Variants in QTRT2 observed in about 807,000 individuals in gnomAD.
QTRT2 encodes the protein queuine tRNA-ribosyltransferase domain containing 1.
QTRT2 carries 32 observed loss-of-function variants against 44.8 expected under a neutral mutation model. That is an observed-to-expected ratio of 0.71 (90% CI 0.54 to 0.96). The LOEUF is 0.96. QTRT2 is among the 40% of genes least tolerant of loss of function. The probability of loss-of-function intolerance (pLI) is 0.00; values close to 1 mark genes in which losing one functional copy is unlikely to be tolerated. For missense variants in QTRT2, 461 were observed against 503.1 expected (o/e 0.92, Z 0.80); for synonymous variants, 182 against 187.4 (o/e 0.97, Z 0.24).
At position 114,088,090 on chromosome 3, in the gene QTRT2, A is replaced by G. The variant is rs1363170461; in HGVS notation, c.*2186A>G. The stretch of plus-strand genomic sequence containing the variant: ...TTTCCAAAGATCTGATTGTTTTGAA[A>G]TGTGTTAGATTGGACTTGTTCAAAT... On this transcript the variant is annotated 3_prime_UTR_variant, in exon 10 of 10. Coordinates refer to ENST00000281273, the MANE Select transcript of QTRT2 (RefSeq NM_024638.4). 1.3e-5 allele frequency: 2 copies of G among 152,188 alleles called. No homozygotes were observed. Among genetic ancestry groups the G allele is most frequent in the African/African-American group, 4.8e-5 (2 of 41,436 alleles). 9.4% of individuals were successfully genotyped at this position (152,188 alleles called of 1,614,324 possible).
rs768187557 is a variant in QTRT2, at chr3:114,085,872, T to A, written c.1216T>A (p.Leu406Met). ...EALKSDKLAQ[L>M]KELIHRQAS is the part of the protein sequence containing the mutation. ...ACTAAAAAGTGACAAACTGGCACAG[T>A]TGAAAGAGCTCATCCACAGGCAAGC... The change falls in exon 10 of 10, where the codon TTG becomes ATG. Residue 406 changes from leucine to methionine, a missense_variant. Leu to Met is a conservative substitution (Grantham distance 15). Coordinates refer to ENST00000281273, the MANE Select transcript of QTRT2 (RefSeq NM_024638.4). The A allele has an allele frequency of 2.5e-6, 4 of 1,614,060 alleles. No individual in the cohort carries two copies. The Admixed American group carries it at 5.0e-5, about 20-fold the overall frequency.
chr3:114,056,852 G>A lies in QTRT2; in HGVS notation c.-142G>A. The stretch of plus-strand genomic sequence containing the variant: ...GGTCTGAAGACTGAAAGAGTCGAAT[G>A]GTTTGTTGGCAGGTAAGTGCCCCTT... On this transcript the variant is annotated 5_prime_UTR_variant, in exon 1 of 10. The change abolishes an upstream ATG in the 5' untranslated region. Coordinates refer to ENST00000281273, the MANE Select transcript of QTRT2 (RefSeq NM_024638.4). 1 of 1,535,952 alleles carries A rather than the reference G, an allele frequency of 6.5e-7. No homozygotes were observed. Among genetic ancestry groups the A allele is most frequent in the Non-Finnish European group, 8.7e-7 (1 of 1,146,798 alleles).
intron 2 of QTRT2, among the ~76,000 whole-genome samples, chr3:114,061,883 C>CA (rs1424318790): frequency 6.6e-6 from 1 of 152,128 alleles, no homozygotes; most frequent in East Asian, 1.9e-4. Context: ...CAACCAAAGC[C>CA]ACTTTCTTTT....
At chr3:114,076,011 T>C (rs2077086281) in intron 6 of QTRT2, among the ~76,000 whole-genome samples, 1 of 152,156 alleles carries the variant, frequency 6.6e-6, no homozygotes, top group African/African-American at 2.4e-5. Context: ...GGTTTGTGAG[T>C]AGATAGTCAG....
At chr3:114,067,445 T>A (rs931434527) in intron 4 of QTRT2, among the ~76,000 whole-genome samples, 2 of 152,234 alleles carry the variant, frequency 1.3e-5, no homozygotes, top group Non-Finnish European at 2.9e-5. Context: ...AATGATTGTC[T>A]TTTTGACTGA....
intron 2 of QTRT2, among the ~76,000 whole-genome samples, chr3:114,061,154 A>G (rs1030109177): frequency 3.9e-5 from 6 of 152,108 alleles, no homozygotes; most frequent in African/African-American, 1.4e-4. Context: ...GTTTCCTTTT[A>G]GTTGCCTTTA....
chr3:114,082,208 A>C (rs1318169694), intron 8 of QTRT2, among the ~76,000 whole-genome samples: 3 of 6,972 alleles, frequency 4.3e-4, no homozygotes, highest in Non-Finnish European at 3.9e-3. Context: ...ACCCCACCAC[A>C]CACACACACA....
In QTRT2 at chr3:114,076,910, A is replaced by T. The variant is rs1433791322; in HGVS notation, c.714A>T (p.Ser238=). Residue 238 remains serine, a synonymous_variant, in exon 7 of 10, where the codon TCA becomes TCT. Transcript: ENST00000281273. ...AGGCTAGACTACGCTTGCTGTCATC[A>T]GTCACTGCAGAGCTGCCGGAGGACA... The part of the protein sequence containing the change: ...TLEARLRLLS[S]VTAELPEDKP... The T allele has an allele frequency of 6.2e-7, 1 of 1,614,082 alleles. No homozygotes were observed. The highest frequency in any genetic ancestry group is 1.3e-5 in the African/African-American group (1 of 74,930).
At position 114,066,226 on chromosome 3, in the gene QTRT2, A is replaced by G. The variant is rs774502806; in HGVS notation, c.201-2A>G. The G allele has an allele frequency of 1.2e-6, 2 of 1,601,718 alleles. No individual in the cohort carries two copies. The highest frequency in any genetic ancestry group is 1.7e-6 in the Non-Finnish European group (2 of 1,169,342). ...TTATGTATTTTTCTGTTTTGCTTAC[A>G]GAGCAGAACATCATGAAGTCTTGAC... On this transcript the variant is annotated splice_acceptor_variant, in intron 3 of 9. Transcript: ENST00000281273. LOFTEE classifies it high-confidence loss of function.
At chr3:114,077,189 C>G (rs1287429807) in intron 7 of QTRT2, 6 of 496,570 alleles carry the variant, frequency 1.2e-5, no homozygotes, top group African/African-American at 9.6e-5. Context: ...TTTGATCCTC[C>G]TAAGTGAGAG....
intron 8 of QTRT2, 52 bp from the exon 9 acceptor site, chr3:114,082,625 G>T (rs72960764): frequency 1.5e-6 from 1 of 645,638 alleles, no homozygotes; most frequent in Non-Finnish European, 2.7e-6. Context: ...GTTTCCAATG[G>T]CCACTTCTTA....
intron 6 of QTRT2, among the ~76,000 whole-genome samples, chr3:114,075,802 C>G (rs977604673): frequency 6.6e-6 from 1 of 152,128 alleles, no homozygotes; most frequent in African/African-American, 2.4e-5. Context: ...CCATGCCTGG[C>G]AAGTTTTTGT....
chr3:114,071,221 C>T (rs560134702), intron 6 of QTRT2, among the ~76,000 whole-genome samples: 1 of 152,254 alleles, frequency 6.6e-6, no homozygotes, highest in South Asian at 2.1e-4. Context: ...ATTTTATCTC[C>T]ACAAACCTGT....
intron 4 of QTRT2, among the ~76,000 whole-genome samples, chr3:114,067,342 T>A (rs2076967455): frequency 1.3e-5 from 2 of 152,234 alleles, no homozygotes. Context: ...TTTTTTTCAC[T>A]GGAATCCTGT....
At chr3:114,067,168 G>A (rs1481816953) in intron 4 of QTRT2, among the ~76,000 whole-genome samples, 1 of 152,046 alleles carries the variant, frequency 6.6e-6, no homozygotes, top group East Asian at 1.9e-4. Flanking sequence ...AGGAATTTAT[G>A]GAATATCATT....
chr3:114,064,390 C>T (rs1450946375), intron 2 of QTRT2, among the ~76,000 whole-genome samples: 4 of 152,002 alleles, frequency 2.6e-5, no homozygotes, highest in Admixed American at 6.5e-5. Flanking sequence ...GACATTTAGC[C>T]GATGATGTGT....
chr3:114,059,707 G>GA (rs1295806520), intron 2 of QTRT2, among the ~76,000 whole-genome samples: 1 of 152,136 alleles, frequency 6.6e-6, no homozygotes, highest in East Asian at 1.9e-4. Flanking sequence ...CCACAAAACA[G>GA]AATCACTGAC....
At position 114,056,817 on chromosome 3, in the gene QTRT2, G is replaced by T; in HGVS notation, c.-177G>T. The stretch of plus-strand genomic sequence containing the variant: ...GCAACACGTGGTAGTGAACTGTGAG[G>T]AGTTTGAGGGGTCTGAAGACTGAAA... On this transcript the variant is annotated 5_prime_UTR_variant, in exon 1 of 10. Coordinates refer to ENST00000281273, the MANE Select transcript of QTRT2 (RefSeq NM_024638.4). 6.5e-7 allele frequency: 1 copy of T among 1,534,818 alleles called. No homozygotes were observed. The highest frequency in any genetic ancestry group is 1.2e-5 in the South Asian group (1 of 83,828).
rs2077239220 is a variant in QTRT2, at chr3:114,086,525, G to C, written c.*621G>C. ...TGTCCCAGGTCACACTCCTTCATTT[G>C]ACCACATGGCCTATTTGCAACTTCT... On this transcript the variant is annotated 3_prime_UTR_variant, in exon 10 of 10. Transcript: ENST00000281273. 1.3e-5 allele frequency: 2 copies of C among 153,794 alleles called. No homozygotes were observed. The highest frequency in any genetic ancestry group is 4.0e-4 in the South Asian group (2 of 4,940). 9.5% of individuals were successfully genotyped at this position (153,794 alleles called of 1,614,324 possible). A position where few individuals can be genotyped will look rare whatever the true frequency, so the allele number is the denominator to read the frequency against.
Sources: allele counts gnomAD v4.1 joint callset (sites outside exome capture counted in the v4.1 genomes callset), GRCh38; gene constraint gnomAD v4.1.1; transcripts MANE v1.5; gene names NCBI Gene and HGNC (gene_info 2026-07-23, HGNC 2026-07-21).